The following HS6ST3 variants were observed in gnomAD, a reference collection of about 807,000 sequenced individuals.
HS6ST3 encodes the protein heparan-sulfate 6-O-sulfotransferase 3.
A neutral mutation model predicts 36.7 loss-of-function variants in HS6ST3; 12 were observed. The observed-to-expected ratio is 0.33, with a 90% CI of 0.21 to 0.53. HS6ST3 has a LOEUF of 0.53. HS6ST3 is among the 20% of genes least tolerant of loss of function. The probability of loss-of-function intolerance (pLI) is 0.95; values close to 1 mark genes in which losing one functional copy is unlikely to be tolerated. For synonymous variants in HS6ST3, 240 were observed against 257.5 expected, an observed-to-expected ratio of 0.93 and a Z score of 0.65; for missense variants, 584 against 640.9, an observed-to-expected ratio of 0.91 and a Z score of 0.96.
At chr13:96,094,395 C>A (rs978182835) in intron 1 of HS6ST3, among the ~76,000 whole-genome samples, 10 of 152,234 alleles carry the variant, frequency 6.6e-5, no homozygotes, top group African/African-American at 2.2e-4. Context: ...ACCATGAGGT[C>A]CGTTTCTTAG....
intron 1 of HS6ST3, among the ~76,000 whole-genome samples, chr13:96,779,772 A>ATT (rs1566451847): frequency 2.0e-5 from 3 of 150,330 alleles, no homozygotes; most frequent in African/African-American, 7.4e-5. Context: ...ATTTACTTAA[A>ATT]AAAAAAAAAA....
chr13:96,229,768 A>G (rs527732583), intron 1 of HS6ST3, among the ~76,000 whole-genome samples: 39 of 152,266 alleles, frequency 2.6e-4, no homozygotes, highest in African/African-American at 9.2e-4. Flanking sequence ...GGGGTTCACT[A>G]TCTCAGGGGG....
chr13:96,706,416 TATATA>T (rs1566434590), intron 1 of HS6ST3, among the ~76,000 whole-genome samples: 3 of 92,056 alleles, frequency 3.3e-5, no homozygotes, highest in African/African-American at 1.4e-4. Flanking sequence ...ATATATTTTA[TATATA>T]TATATATATA....
intron 1 of HS6ST3, among the ~76,000 whole-genome samples, chr13:96,556,407 T>A (rs561576199): frequency 1.3e-4 from 20 of 152,176 alleles, no homozygotes; most frequent in Non-Finnish European, 2.4e-4. Flanking sequence ...TACATTATAG[T>A]CCTTATATTT....
chr13:96,184,871 G>T (rs2054258065), intron 1 of HS6ST3, among the ~76,000 whole-genome samples: 1 of 152,078 alleles, frequency 6.6e-6, no homozygotes, highest in Admixed American at 6.5e-5. Flanking sequence ...TTCCACGAGG[G>T]TAAGGATCTC....
chr13:96,375,912 C>T (rs564219040), intron 1 of HS6ST3, among the ~76,000 whole-genome samples: 136 of 152,216 alleles, frequency 8.9e-4, no homozygotes, highest in Middle Eastern at 3.4e-3. Flanking sequence ...TATATTTCAA[C>T]GATAATTTAA....
chr13:96,318,535 A>AAAAACAAAAC (rs3084992), intron 1 of HS6ST3, among the ~76,000 whole-genome samples: 1,755 of 150,522 alleles, frequency 0.012, 20 homozygotes, highest in South Asian at 0.023. Context: ...TCCTTCTCAA[A>AAAAACAAAAC]AAAACAAAAC....
intron 1 of HS6ST3, among the ~76,000 whole-genome samples, chr13:96,440,906 C>G: frequency 6.6e-6 from 1 of 152,180 alleles, no homozygotes; most frequent in African/African-American, 2.4e-5. Flanking sequence ...AGACGGAGGA[C>G]TGCAATGGAC....
At chr13:96,460,345 A>C (rs771827736) in intron 1 of HS6ST3, among the ~76,000 whole-genome samples, 1 of 152,164 alleles carries the variant, frequency 6.6e-6, no homozygotes, top group Admixed American at 6.5e-5. Context: ...AAATTCTTCT[A>C]CTTATTTAAG....
At chr13:96,608,101 G>A (rs747189219) in intron 1 of HS6ST3, among the ~76,000 whole-genome samples, 28 of 152,086 alleles carry the variant, frequency 1.8e-4, no homozygotes, top group Admixed American at 1.2e-3. Context: ...AAATCTTTGC[G>A]TTCATAATGA....
At chr13:96,466,577 C>T (rs1952340) in intron 1 of HS6ST3, among the ~76,000 whole-genome samples, 126,028 of 152,076 alleles carry the variant, frequency 0.83, 53,866 homozygotes, top group Non-Finnish European at 0.95. Flanking sequence ...GTTCCTCAGG[C>T]TCATTCATGT....
intron 1 of HS6ST3, among the ~76,000 whole-genome samples, chr13:96,813,471 A>T (rs1362391721): frequency 6.6e-6 from 1 of 152,162 alleles, no homozygotes; most frequent in African/African-American, 2.4e-5. Context: ...CCTGCCTCTG[A>T]TATGTAGGAG....
chr13:96,817,551 G>T (rs1878447389), intron 1 of HS6ST3, among the ~76,000 whole-genome samples: 1 of 152,298 alleles, frequency 6.6e-6, no homozygotes, highest in Non-Finnish European at 1.5e-5. Context: ...CCCCCTTGTG[G>T]CTATAATCTT....
At chr13:96,708,553 C>T (rs922002812) in intron 1 of HS6ST3, among the ~76,000 whole-genome samples, 10 of 152,292 alleles carry the variant, frequency 6.6e-5, no homozygotes, top group Non-Finnish European at 1.5e-4. Context: ...CTCTCTCCTT[C>T]CCTCCTCATA....
At chr13:96,156,148 G>A (rs1005378749) in intron 1 of HS6ST3, among the ~76,000 whole-genome samples, 1 of 152,300 alleles carries the variant, frequency 6.6e-6, no homozygotes. Context: ...TCAGTGAAGA[G>A]TCATAGAAGC....
chr13:96,479,857 G>A (rs12859541), intron 1 of HS6ST3, among the ~76,000 whole-genome samples: 3,951 of 152,190 alleles, frequency 0.026, 63 homozygotes, highest in African/African-American at 0.033. Context: ...CTTCATCTTA[G>A]TAGGAGAACT....
At position 96,661,587 on chromosome 13, in the gene HS6ST3, C is replaced by T. The variant is rs562694857; in HGVS notation, c.708-170903C>T. 5.3e-5 allele frequency among the ~76,000 whole-genome samples: 8 copies of T among 152,158 alleles called. No individual in the cohort carries two copies. The East Asian group carries it at 1.2e-3, about 22-fold the overall frequency. On this transcript the variant is annotated intron_variant, in intron 1 of 1. Coordinates refer to ENST00000376705, the MANE Select transcript of HS6ST3 (RefSeq NM_153456.4). ...GCATCTTTTAAGTAGAGCATTAGTT[C>T]ATTTATCTTCACGGTTAATATTGAC...
chr13:96,485,893 T>G (rs1277901906), intron 1 of HS6ST3, among the ~76,000 whole-genome samples: 1 of 152,170 alleles, frequency 6.6e-6, no homozygotes, highest in Admixed American at 6.5e-5. Flanking sequence ...CTTTAAGTTT[T>G]AGGGTACATG....
rs555138302 is a variant in HS6ST3, at chr13:96,120,431, A to G, written c.707+28862A>G. Reference sequence around the variant, plus strand: ...CAAGAAAAACTGCTTACAATATATTAATAACTGAAGAGCAGGTTATAAGAC... The same window carrying G: ...CAAGAAAAACTGCTTACAATATATTGATAACTGAAGAGCAGGTTATAAGAC... On this transcript the variant is annotated intron_variant, in intron 1 of 1. Coordinates refer to ENST00000376705, the MANE Select transcript of HS6ST3 (RefSeq NM_153456.4). 2.6e-5 allele frequency among the ~76,000 whole-genome samples: 4 copies of G among 152,354 alleles called. No homozygotes were observed. The East Asian group carries it at 7.7e-4, about 29-fold the overall frequency.
Sources: gnomAD v4.1 joint callset for allele counts (sites outside exome capture counted in the v4.1 genomes callset) on GRCh38, gnomAD v4.1.1 for gene constraint, MANE v1.5 for transcripts, NCBI Gene and HGNC (gene_info 2026-07-23, HGNC 2026-07-21) for gene names.